GPN3: variants seen among roughly 807,000 people sequenced by gnomAD.
GPN3 encodes the protein ATP-binding domain 1 family member C.
A neutral mutation model predicts 38.7 loss-of-function variants in GPN3; 31 were observed. The ratio of observed to expected loss-of-function variants is 0.80; its 90% CI spans 0.60 to 1.08. GPN3 has a LOEUF of 1.08. Among genes scored for constraint, GPN3 ranks in the 50% least tolerant of loss-of-function variants. GPN3 has a pLI of 0.00. For missense variants in GPN3, 301 were observed against 354.4 expected (o/e 0.85, Z 1.21); for synonymous variants, 116 against 120.2 (o/e 0.96, Z 0.23).
chr12:110,468,388 G>A (rs2062652835), upstream of GPN3: 1 of 1,524,102 alleles, frequency 6.6e-7, no homozygotes, highest in Admixed American at 2.0e-5. Context: ...GAGAAAAAAG[G>A]GGAGGGGCGA....
chr12:110,461,094 T>C, intron 2 of GPN3: 2 of 1,477,208 alleles, frequency 1.4e-6, no homozygotes, highest in South Asian at 1.1e-5. Context: ...ATCTATGGAG[T>C]GGGCTTCAAG....
chr12:110,456,083 A>C (rs2062547581), intron 4 of GPN3, among the ~76,000 whole-genome samples, 153 bp from the exon 5 acceptor site: 1 of 152,146 alleles, frequency 6.6e-6, no homozygotes, highest in African/African-American at 2.4e-5. Context: ...TAATCCCAAC[A>C]CTTGGGGAGG....
At position 110,468,249 on chromosome 12, in the gene GPN3, A is replaced by G. The variant is rs2062651834; in HGVS notation, c.-46T>C. ...GCCACACTCCCTTAGCCTTCGCGCGACGCCCACTGAGCTCCGGGAAAGTGA... is the reference window on the plus strand; with the variant it reads ...GCCACACTCCCTTAGCCTTCGCGCGGCGCCCACTGAGCTCCGGGAAAGTGA... On this transcript the variant is annotated 5_prime_UTR_variant, in exon 1 of 8. Coordinates refer to ENST00000228827, the MANE Select transcript of GPN3 (RefSeq NM_016301.4). 1.2e-6 allele frequency: 2 copies of G among 1,604,872 alleles called. No homozygotes were observed. The highest frequency in any genetic ancestry group is 1.7e-6 in the Non-Finnish European group (2 of 1,179,620).
At chr12:110,462,397 C>G (rs1264957301) in intron 2 of GPN3, among the ~76,000 whole-genome samples, 6 of 152,134 alleles carry the variant, frequency 3.9e-5, no homozygotes, top group Admixed American at 3.9e-4. Context: ...ATATCATACA[C>G]TGAACAAAGC....
rs2062530523 is a variant in GPN3 at position 110,453,741 on chromosome 12, A to T, written c.792+2T>A. ...TAACAAACACCCCAAACCAGAAATT[A>T]CCTTTGGTTCTTTAAATTCTAGGTC... On this transcript the variant is annotated splice_donor_variant, in intron 7 of 7. Coordinates refer to ENST00000228827, the MANE Select transcript of GPN3 (RefSeq NM_016301.4). LOFTEE classifies it high-confidence loss of function. The T allele has an allele frequency of 1.2e-6, 2 of 1,606,818 alleles. No homozygotes were observed. Among genetic ancestry groups the T allele is most frequent in the African/African-American group, 2.7e-5 (2 of 74,776 alleles).
rs764325175 is a variant in GPN3, at chr12:110,465,123, T to G, written c.140A>C (p.Asn47Thr). Residue 47 changes from asparagine (N) to threonine (T), a missense_variant, in exon 2 of 8, where the codon AAC (asparagine) becomes ACC (threonine). Coordinates refer to ENST00000228827, the MANE Select transcript of GPN3 (RefSeq NM_016301.4). ...VNLDPAAEHFNYSVMADIREL... is the reference protein window; with the variant it reads ...VNLDPAAEHFTYSVMADIREL... ...GGACTTACCAGCCATCACGGAGTAG[T>G]TGAAGTGTTCTGCTGCTGGATCCAG... 1.9e-6 allele frequency: 3 copies of G among 1,592,462 alleles called. No homozygotes were observed. The highest frequency in any genetic ancestry group is 2.6e-6 in the Non-Finnish European group (3 of 1,160,208).
chr12:110,461,493 G>A (rs779356075), intron 2 of GPN3: 23 of 463,204 alleles, frequency 5.0e-5, no homozygotes, highest in Non-Finnish European at 7.3e-5. Context: ...CCAGCTGCTC[G>A]GGAGGCTGAG....
intron 7 of GPN3, among the ~76,000 whole-genome samples, 159 bp downstream of exon 7, chr12:110,453,584 T>C (rs1409231988): frequency 6.6e-6 from 1 of 151,950 alleles, no homozygotes; most frequent in Non-Finnish European, 1.5e-5. Context: ...GCTTGTGGAG[T>C]ACAGTGTTAA....
In GPN3 at chr12:110,455,904, C is replaced by T. The variant is rs1439799885; in HGVS notation, c.477G>A (p.Leu159=). 1.9e-6 allele frequency: 3 copies of T among 1,601,542 alleles called. No individual in the cohort carries two copies. Among genetic ancestry groups the T allele is most frequent in the East Asian group, 2.2e-5 (1 of 44,820 alleles). ...GAATTTCTAGAGAGATCATGGCACT[C>T]AGGGCTGCCAAGATGCCAGAAATAA... is the stretch of plus-strand genomic sequence containing the variant. ...FKFISGILAA[L]SAMISLEIPQ... The change falls in exon 5 of 8, where the codon CTG becomes CTA. Residue 159 remains leucine, a synonymous_variant. Transcript: ENST00000228827.
At chr12:110,468,341 G>A (rs1248257396), upstream of GPN3, 6 of 1,542,328 alleles carry the variant, frequency 3.9e-6, no homozygotes, top group Admixed American at 1.9e-5. Context: ...CTACTACGGG[G>A]CAGCCCGCGG....
At position 110,458,992 on chromosome 12, in the gene GPN3, A is replaced by G. The variant is rs2062568369; in HGVS notation, c.325+703T>C. On this transcript the variant is annotated intron_variant, in intron 3 of 7. Transcript: ENST00000228827. The surrounding 1 kb of genome is among the most constrained non-coding windows in gnomAD (Gnocchi z 4.4). ...TGTGCCCTCTGCCTTCCTCACCCTC[A>G]GCCTCCAGCCCAGCTGAAAGGCCGC... Among the ~76,000 whole-genome samples the G allele has an allele frequency of 6.6e-6, 1 of 152,134 alleles. No individual in the cohort carries two copies. Among genetic ancestry groups the G allele is most frequent in the Non-Finnish European group, 1.5e-5 (1 of 68,030 alleles).
intron 6 of GPN3, among the ~76,000 whole-genome samples, chr12:110,455,114 G>T (rs928367857): frequency 3.3e-5 from 5 of 151,242 alleles, no homozygotes; most frequent in African/African-American, 1.2e-4. Flanking sequence ...GTAAGTCACC[G>T]CGCCTGGCCT....
chr12:110,462,829 T>C (rs1053009893), intron 2 of GPN3, among the ~76,000 whole-genome samples: 2 of 152,138 alleles, frequency 1.3e-5, no homozygotes, highest in African/African-American at 4.8e-5. Flanking sequence ...CGATCTCGGC[T>C]CACCGCAAGC....
upstream of GPN3, chr12:110,468,368 A>C: frequency 6.6e-7 from 1 of 1,524,462 alleles, no homozygotes; most frequent in Non-Finnish European, 8.8e-7. Context: ...TCCCGTGAGA[A>C]ACGCGTCCTG....
Position 110,459,846 on chromosome 12 carries a change from G to A in GPN3, c.174C>T (p.Ile58=), listed in dbSNP as rs763754781. The change falls in exon 3 of 8, where the codon ATC becomes ATT. Residue 58 remains isoleucine (I), a synonymous_variant. Coordinates refer to ENST00000228827, the MANE Select transcript of GPN3 (RefSeq NM_016301.4). Reference sequence around the variant, plus strand: ...CATCCTCCATTACATCATCCACCTCGATCAGTTCCCGGATGTCTGAAAAGG... The same window carrying A: ...CATCCTCCATTACATCATCCACCTCAATCAGTTCCCGGATGTCTGAAAAGG... The part of the protein sequence containing the change: ...YSVMADIREL[I]EVDDVMEDDS... 32 of 1,613,704 alleles carry A rather than the reference G, an allele frequency of 2.0e-5. No individual in the cohort carries two copies. The Admixed American group carries it at 2.5e-4, about 13-fold the overall frequency.
chr12:110,460,957 C>T, intron 2 of GPN3: 2 of 1,036,884 alleles, frequency 1.9e-6, no homozygotes, highest in East Asian at 4.7e-5. Flanking sequence ...GAGCAAGACT[C>T]CATCTCACTT....
rs1178163833 is a variant in GPN3, at chr12:110,453,782, G to A, written c.753C>T (p.Ala251=). The part of the protein sequence containing the change: ...MNIVLQHIDF[A]IQYGEDLEFK... ...ATTCTAGGTCTTCTCCATATTGAAT[G>A]GCAAAATCAATATGCTGCAATACAA... is the stretch of plus-strand genomic sequence containing the variant. Residue 251 remains alanine, a synonymous_variant, in exon 7 of 8, where the codon GCC becomes GCT. Transcript: ENST00000228827. 4.4e-6 allele frequency: 7 copies of A among 1,591,860 alleles called. No homozygotes were observed. The highest frequency in any genetic ancestry group is 2.7e-5 in the African/African-American group (2 of 74,506).
chr12:110,453,833 A>T lies in GPN3; in HGVS notation c.702T>A (p.Asp234Glu). The T allele has an allele frequency of 6.2e-7, 1 of 1,602,978 alleles. No individual in the cohort carries two copies. Among genetic ancestry groups the T allele is most frequent in the Non-Finnish European group, 8.5e-7 (1 of 1,169,882 alleles). Reference sequence around the variant, plus strand: ...TGTTCATGCTTTCTTCATCTGACTGATCGTAAGGTAAAAATCGAACCATGC... The same window carrying T: ...TGTTCATGCTTTCTTCATCTGACTGTTCGTAAGGTAAAAATCGAACCATGC... ...DYSMVRFLPYDQSDEESMNIV... is the reference protein window; with the variant it reads ...DYSMVRFLPYEQSDEESMNIV... Residue 234 changes from aspartate (D) to glutamate (E), a missense_variant, in exon 7 of 8, where the codon GAT becomes GAA. Physicochemically the swap from Asp to Glu is conservative, Grantham distance 45 (BLOSUM62 2). Coordinates refer to ENST00000228827, the MANE Select transcript of GPN3 (RefSeq NM_016301.4).
intron 2 of GPN3, chr12:110,461,510 G>A: frequency 2.0e-6 from 1 of 493,518 alleles, no homozygotes; most frequent in Non-Finnish European, 3.6e-6. Context: ...TGAGGCAGGA[G>A]AATCACTTGA....
Sources: gnomAD v4.1 joint callset for allele counts (sites outside exome capture counted in the v4.1 genomes callset) on GRCh38, gnomAD v4.1.1 for gene constraint, Gnocchi (gnomAD v3.1) non-coding constraint, MANE v1.5 for transcripts, NCBI Gene and HGNC (gene_info 2026-07-23, HGNC 2026-07-21) for gene names.